The following DDX11 variants were observed in gnomAD, a reference collection of about 807,000 sequenced individuals.
The protein encoded by DDX11 is DEAD/H-box helicase 11.
Under a neutral mutation model 125.2 loss-of-function variants are expected in DDX11, and 72 were observed. That is an observed-to-expected ratio of 0.58 (90% CI 0.48 to 0.70). The LOEUF is 0.70. Among genes scored for constraint, DDX11 ranks in the 30% least tolerant of loss-of-function variants. The pLI is 0.00. For synonymous variants in DDX11, 347 were observed against 452.6 expected (o/e 0.77, Z 2.96); for missense variants, 883 against 1,165.0 (o/e 0.76, Z 3.52).
intron 10 of DDX11, among the ~76,000 whole-genome samples, 155 bp downstream of exon 10, chr12:31,092,026 G>A (rs189583761): frequency 8.5e-5 from 13 of 152,378 alleles, no homozygotes; most frequent in Admixed American, 8.5e-4. Flanking sequence ...GCTGACCATG[G>A]CTTTCCAGTG....
Position 31,091,815 on chromosome 12 carries a change from C to T in DDX11, c.1186C>T (p.His396Tyr). 6.2e-6 allele frequency: 10 copies of T among 1,613,884 alleles called. No homozygotes were observed. The highest frequency in any genetic ancestry group is 8.5e-6 in the Non-Finnish European group (10 of 1,179,838). The change falls in exon 10 of 27, where the codon CAC becomes TAC. Residue 396 changes from histidine to tyrosine, a missense_variant. His to Tyr is a moderately conservative substitution (Grantham distance 83, BLOSUM62 2). Coordinates refer to ENST00000542838, the MANE Select transcript of DDX11 (RefSeq NM_030653.4). ...QDQVVIIDEA[H>Y]NLIDTITGMH... ...CCAGGTGGTGATCATCGACGAGGCG[C>T]ACAACCTGATCGACACCATCACGGG...
chr12:31,084,651 G>A lies in DDX11; in HGVS notation c.462G>A (p.Lys154=). The change falls in exon 4 of 27, where the codon AAG becomes AAA. Residue 154 remains lysine (K), a synonymous_variant. Coordinates refer to ENST00000542838, the MANE Select transcript of DDX11 (RefSeq NM_030653.4). ...LQQLQHRVQL[K]YAAKRLRQEE... is the part of the protein sequence containing the mutation. ...AGCTGCAGCACAGGGTGCAGCTCAAGTATGCAGCCAAGCGCCTGGTGAGCC... is the reference window on the plus strand; with the variant it reads ...AGCTGCAGCACAGGGTGCAGCTCAAATATGCAGCCAAGCGCCTGGTGAGCC... The A allele has an allele frequency of 3.1e-6, 5 of 1,590,542 alleles. No homozygotes were observed. Among genetic ancestry groups the A allele is most frequent in the Non-Finnish European group, 4.3e-6 (5 of 1,166,084 alleles).
intron 10 of DDX11, among the ~76,000 whole-genome samples, chr12:31,092,593 G>A (rs1478082636): frequency 1.3e-5 from 2 of 152,070 alleles, no homozygotes; most frequent in African/African-American, 4.8e-5. Flanking sequence ...CCATACTTGA[G>A]GAATTCAGCC....
In DDX11 at chr12:31,091,670, C is replaced by T. The variant is rs779758501; in HGVS notation, c.1090-49C>T. On this transcript the variant is annotated intron_variant, in intron 9 of 26. Transcript: ENST00000542838. ...AGCTCAGTGTCAGGCAGGCAAGGCT[C>T]CTGCAGGGGAGCCCCGCCCTGCTCA... 7.0e-6 allele frequency: 11 copies of T among 1,564,378 alleles called. No individual in the cohort carries two copies. The South Asian group carries it at 1.3e-4, about 18-fold the overall frequency.
At chr12:31,092,796 C>T (rs753532689) in intron 10 of DDX11, 50 bp from the exon 11 acceptor site, 23 of 1,569,260 alleles carry the variant, frequency 1.5e-5, no homozygotes, top group African/African-American at 2.7e-5. Context: ...GATGTCAGTA[C>T]CTTAGCCCTC....
In DDX11 at chr12:31,097,861, C is replaced by T. The variant is rs766244948; in HGVS notation, c.1763-24C>T. ...GAAGTGTCTGTTGGGCTTGCACTCA[C>T]CTCCCACCGATCTGTTTTTCCAGGC... On this transcript the variant is annotated intron_variant, in intron 17 of 26. Coordinates refer to ENST00000542838, the MANE Select transcript of DDX11 (RefSeq NM_030653.4). The T allele has an allele frequency of 1.7e-5, 26 of 1,512,200 alleles. No homozygotes were observed. In the South Asian group the frequency reaches 2.6e-4, roughly 15 times the overall value. 93.7% of individuals were successfully genotyped at this position (1,512,200 alleles called of 1,614,324 possible).
rs758256286 is a variant in DDX11 at position 31,101,849 on chromosome 12, G to A, written c.2069G>A (p.Arg690His). ...ELPQMMDEVG[R>H]ILCNLCGVVP... Reference sequence around the variant, plus strand: ...CTTCCTTAGATGGACGAGGTGGGTCGCATTCTCTGTAACCTGTGCGGTGTG... The same window carrying A: ...CTTCCTTAGATGGACGAGGTGGGTCACATTCTCTGTAACCTGTGCGGTGTG... Residue 690 changes from arginine to histidine, a missense_variant, in exon 21 of 27, where the codon CGC becomes CAC. Transcript: ENST00000542838. 43 of 1,613,816 alleles carry A rather than the reference G, an allele frequency of 2.7e-5. No homozygotes were observed. Among genetic ancestry groups the A allele is most frequent in the Admixed American group, 2.0e-4 (12 of 59,994 alleles).
In DDX11 at chr12:31,078,373, G is replaced by C; in HGVS notation, c.-4-17G>C. 1.2e-6 allele frequency: 2 copies of C among 1,605,810 alleles called. No homozygotes were observed. Among genetic ancestry groups the C allele is most frequent in the Non-Finnish European group, 1.7e-6 (2 of 1,175,392 alleles). On this transcript the variant is annotated splice_polypyrimidine_tract_variant and intron_variant, in intron 1 of 26. Coordinates refer to ENST00000542838, the MANE Select transcript of DDX11 (RefSeq NM_030653.4). ...GACCATGAGAGAGCTCCCTAATGTT[G>C]TATTTATTTTTCCTAGGTCCATGGC...
chr12:31,094,799 A>G lies in DDX11; in HGVS notation c.1459A>G (p.Ile487Val). The change falls in exon 14 of 27, where the codon ATC becomes GTC. Residue 487 changes from isoleucine to valine, a missense_variant. By Grantham distance (29) the Ile-to-Val change is conservative. This residue lies in a region of DDX11 where 241 missense variants were observed against 279.7 expected (regional missense o/e 0.86). Coordinates refer to ENST00000542838, the MANE Select transcript of DDX11 (RefSeq NM_030653.4). ...TINDFLFQSQ[I>V]DNINLFKVQR... ...CAACGACTTTCTCTTCCAGAGCCAG[A>G]TCGACAACATCAACCTGTTCAAGGT... The G allele has an allele frequency of 6.2e-7, 1 of 1,613,346 alleles. No individual in the cohort carries two copies. The highest frequency in any genetic ancestry group is 1.1e-5 in the South Asian group (1 of 91,066).
At position 31,083,895 on chromosome 12, in the gene DDX11, T is replaced by C; in HGVS notation, c.227T>C (p.Leu76Pro). The C allele has an allele frequency of 2.5e-6, 4 of 1,613,702 alleles. No individual in the cohort carries two copies. Among genetic ancestry groups the C allele is most frequent in the Admixed American group, 1.7e-5 (1 of 60,020 alleles). The change falls in exon 3 of 27, where the codon CTC becomes CCC. Residue 76 changes from leucine to proline, a missense_variant. Leu to Pro is a moderately conservative substitution (Grantham distance 98). This residue lies in a region of DDX11 where 283 missense variants were observed against 359.6 expected (regional missense o/e 0.79). Transcript: ENST00000542838. ...EQKKREEEAR[L>P]LETGTGPLHD... ...AAGAAGCGTGAAGAAGAGGCACGAC[T>C]CCTTGAAACTGGAACTGGCCCCTTA...
chr12:31,098,449 C>G (rs1945723108), intron 18 of DDX11, among the ~76,000 whole-genome samples: 1 of 152,292 alleles, frequency 6.6e-6, no homozygotes, highest in Non-Finnish European at 1.5e-5. Context: ...GGGTCATAAA[C>G]CCTGTCTCCT....
intron 5 of DDX11, among the ~76,000 whole-genome samples, chr12:31,086,942 C>T (rs1943270034): frequency 7.6e-6 from 1 of 132,122 alleles, no homozygotes; most frequent in African/African-American, 3.1e-5. Context: ...GTAATAATTA[C>T]TCTTCTGATA....
chr12:31,091,628 G>C, intron 9 of DDX11, 91 bp from the exon 10 acceptor site: 1 of 1,398,382 alleles, frequency 7.2e-7, no homozygotes, highest in Non-Finnish European at 9.9e-7. Context: ...GCAGGAAATA[G>C]AAGCACTCAC....
Position 31,102,294 on chromosome 12 carries a change from T to C in DDX11, c.2254T>C (p.Tyr752His). The C allele has an allele frequency of 6.2e-7, 1 of 1,614,196 alleles. No homozygotes were observed. The highest frequency in any genetic ancestry group is 1.1e-5 in the South Asian group (1 of 91,084). Residue 752 changes from tyrosine (Y) to histidine (H), a missense_variant, in exon 22 of 27, where the codon TAT becomes CAT. Tyr to His is a moderately conservative substitution (Grantham distance 83). Coordinates refer to ENST00000542838, the MANE Select transcript of DDX11 (RefSeq NM_030653.4). ...AHQVEQVLLA[Y>H]SRCIQACGQE... ...CCAGGTGGAGCAGGTGCTGCTGGCA[T>C]ATTCCAGGTGCATCCAGGTGCGGGC...
chr12:31,085,878 A>G, intron 5 of DDX11: 1 of 355,162 alleles, frequency 2.8e-6, no homozygotes, highest in Non-Finnish European at 5.6e-6. Context: ...GGTGATGTGG[A>G]TGGGGTGGGG....
In DDX11 at chr12:31,099,084, C is replaced by CTTTTTTT. The variant is rs763612105; in HGVS notation, c.1875+1102_1875+1108dup. 3.3e-3 allele frequency among the ~76,000 whole-genome samples: 212 copies of CTTTTTTT among 63,696 alleles called. 11 individuals carry two copies. Among genetic ancestry groups the CTTTTTTT allele is most frequent in the African/African-American group, 0.016 (205 of 12,684 alleles). 41.8% of individuals were successfully genotyped at this position (63,696 alleles called of 152,430 possible). On this transcript the variant is annotated intron_variant, in intron 18 of 26. Coordinates refer to ENST00000542838, the MANE Select transcript of DDX11 (RefSeq NM_030653.4). ...CATACTGGTATTTCTTTCTTTCTTT[C>CTTTTTTT]TTTTTTTTTTTTTTTTTTTTTGAGA...
Position 31,092,908 on chromosome 12 carries a change from C to T in DDX11, c.1289+16C>T. Reference sequence around the variant, plus strand: ...AGCGATACGGGTGAGATGTGACCCTCTGAGGTAGTGGGACAGTCCCTTGGT... The same window carrying T: ...AGCGATACGGGTGAGATGTGACCCTTTGAGGTAGTGGGACAGTCCCTTGGT... On this transcript the variant is annotated intron_variant, in intron 11 of 26. Coordinates refer to ENST00000542838, the MANE Select transcript of DDX11 (RefSeq NM_030653.4). 1 of 1,614,022 alleles carries T rather than the reference C, an allele frequency of 6.2e-7. No individual in the cohort carries two copies. Among genetic ancestry groups the T allele is most frequent in the Non-Finnish European group, 8.5e-7 (1 of 1,179,862 alleles).
chr12:31,095,308 G>A (rs1190290001), intron 14 of DDX11, among the ~76,000 whole-genome samples: 2 of 152,226 alleles, frequency 1.3e-5, no homozygotes, highest in South Asian at 4.1e-4. Flanking sequence ...CTGCCCCCGG[G>A]TACAGGGTTC....
At chr12:31,076,865 C>G (rs1404076347) in intron 1 of DDX11, 2 of 152,244 alleles carry the variant, frequency 1.3e-5, no homozygotes, top group Non-Finnish European at 2.9e-5. Context: ...TTCTTGTCCC[C>G]AGAATGTCTA....
Sources: allele counts gnomAD v4.1 joint callset (sites outside exome capture counted in the v4.1 genomes callset), GRCh38; gene constraint gnomAD v4.1.1; regional missense constraint gnomAD v4.1.1; transcripts MANE v1.5; gene names NCBI Gene and HGNC (gene_info 2026-07-23, HGNC 2026-07-21).